TIAM1: variants seen among roughly 807,000 people sequenced by gnomAD.
TIAM1 encodes the protein rho guanine nucleotide exchange factor TIAM1.
TIAM1 carries 65 observed loss-of-function variants against 163.5 expected under a neutral mutation model. The observed-to-expected ratio is 0.40, with a 90% CI of 0.33 to 0.49. The LOEUF (loss-of-function observed/expected upper bound fraction) is 0.49, where lower values mean the gene tolerates loss of function less well. Ranked by LOEUF, TIAM1 falls within the 20% of genes least tolerant of loss-of-function variation. TIAM1 has a pLI of 0.77. For synonymous variants in TIAM1, 833 were observed against 810.1 expected, an observed-to-expected ratio of 1.03 and a Z score of -0.48; for missense variants, 1,789 against 2,044.7, an observed-to-expected ratio of 0.87 and a Z score of 2.41.
At chr21:31,460,724 A>G (rs1178576923) in intron 2 of TIAM1, among the ~76,000 whole-genome samples, 1 of 152,242 alleles carries the variant, frequency 6.6e-6, no homozygotes, top group African/African-American at 2.4e-5. Flanking sequence ...TAAGCTTCAC[A>G]CTTCAAAGAC....
At chr21:31,470,482 T>A (rs929220554) in intron 1 of TIAM1, among the ~76,000 whole-genome samples, 1 of 151,900 alleles carries the variant, frequency 6.6e-6, no homozygotes, top group Non-Finnish European at 1.5e-5. Context: ...TACAGGCATA[T>A]GCCACCAGGC....
At chr21:31,424,420 G>A (rs73195583) in intron 2 of TIAM1, among the ~76,000 whole-genome samples, 2,352 of 152,316 alleles carry the variant, frequency 0.015, 23 homozygotes, top group Non-Finnish European at 0.023. Flanking sequence ...GTGGATAAAC[G>A]AAATGCGGTG....
intron 2 of TIAM1, among the ~76,000 whole-genome samples, chr21:31,396,916 T>A (rs1279862481): frequency 6.6e-6 from 1 of 152,018 alleles, no homozygotes; most frequent in Non-Finnish European, 1.5e-5. Flanking sequence ...GCCACTGCAC[T>A]CCAGCCTGGG....
intron 1 of TIAM1, among the ~76,000 whole-genome samples, chr21:31,503,455 A>G (rs1206870060): frequency 1.3e-5 from 1 of 79,604 alleles, no homozygotes; most frequent in Non-Finnish European, 2.6e-5. Flanking sequence ...GGAAGGAAGG[A>G]AGGGAGGGAG....
intron 2 of TIAM1, among the ~76,000 whole-genome samples, chr21:31,290,995 GATA>G (rs1304160587): frequency 1.3e-5 from 2 of 152,048 alleles, no homozygotes; most frequent in East Asian, 1.9e-4. Context: ...TTGCAACAAC[GATA>G]ATAACAAATT....
chr21:31,321,219 G>A (rs917118279), intron 2 of TIAM1, among the ~76,000 whole-genome samples: 10 of 152,150 alleles, frequency 6.6e-5, no homozygotes, highest in South Asian at 2.1e-4. Flanking sequence ...GGGACTGGCC[G>A]AAGAAGCCAT....
In TIAM1 at chr21:31,224,875, G is replaced by T. The variant is rs183418131; in HGVS notation, c.1809+851C>A. Among the ~76,000 whole-genome samples the T allele has an allele frequency of 1.3e-4, 20 of 152,190 alleles. No homozygotes were observed. The East Asian group carries it at 3.5e-3, about 26-fold the overall frequency. ...ACAAAGTGTCAAAGCACTACCAGAT[G>T]GCTATTACTGACAGCTGAATAGCAG... On this transcript the variant is annotated intron_variant, in intron 7 of 27. Coordinates refer to ENST00000541036, the MANE Select transcript of TIAM1 (RefSeq NM_001353694.2).
chr21:31,180,238 G>A (rs541869872), intron 15 of TIAM1, among the ~76,000 whole-genome samples: 33 of 152,104 alleles, frequency 2.2e-4, no homozygotes, highest in Middle Eastern at 3.4e-3. Context: ...AGAAATAGAC[G>A]AAAACATTAA....
At chr21:31,208,110 C>T (rs1447656652) in intron 11 of TIAM1, among the ~76,000 whole-genome samples, 2 of 152,172 alleles carry the variant, frequency 1.3e-5, no homozygotes, top group Non-Finnish European at 2.9e-5. Context: ...TAGATATGGT[C>T]TCTAACTGTC....
At chr21:31,462,916 T>C in intron 2 of TIAM1, among the ~76,000 whole-genome samples, 1 of 152,140 alleles carries the variant, frequency 6.6e-6, no homozygotes, top group African/African-American at 2.4e-5. Flanking sequence ...CTAATTTTTG[T>C]ATTTGGAGTA....
chr21:31,415,436 C>A (rs531408009), intron 2 of TIAM1, among the ~76,000 whole-genome samples: 1 of 152,268 alleles, frequency 6.6e-6, no homozygotes, highest in East Asian at 1.9e-4. Flanking sequence ...AGTCCAGTAT[C>A]CCCCATGTGC....
At chr21:31,288,468 A>C (rs2073896549) in intron 2 of TIAM1, among the ~76,000 whole-genome samples, 1 of 152,156 alleles carries the variant, frequency 6.6e-6, no homozygotes, top group South Asian at 2.1e-4. Flanking sequence ...TAGAAAGGGC[A>C]AACAGGCTCC....
At chr21:31,499,703 A>G (rs1482660502) in intron 1 of TIAM1, among the ~76,000 whole-genome samples, 1 of 152,090 alleles carries the variant, frequency 6.6e-6, no homozygotes, top group Non-Finnish European at 1.5e-5. Flanking sequence ...TACAAAAATT[A>G]GCCAGGTGTG....
intron 2 of TIAM1, among the ~76,000 whole-genome samples, chr21:31,352,348 A>G (rs2076247955): frequency 6.6e-6 from 1 of 152,196 alleles, no homozygotes; most frequent in Non-Finnish European, 1.5e-5. Context: ...ATATTGCATA[A>G]TTCCACTTAC....
At chr21:31,495,232 C>T (rs1213780710) in intron 1 of TIAM1, among the ~76,000 whole-genome samples, 1 of 152,092 alleles carries the variant, frequency 6.6e-6, no homozygotes, top group Non-Finnish European at 1.5e-5. Context: ...AACAAAATAC[C>T]TGAGACTAGG....
chr21:31,431,604 A>G (rs1403087378), intron 2 of TIAM1, among the ~76,000 whole-genome samples: 1 of 152,260 alleles, frequency 6.6e-6, no homozygotes, highest in Admixed American at 6.5e-5. Flanking sequence ...ACAGTCATAT[A>G]TAGTCACACA....
At chr21:31,464,842 CG>C (rs1307863377) in intron 1 of TIAM1, among the ~76,000 whole-genome samples, 1 of 95,434 alleles carries the variant, frequency 1.0e-5, no homozygotes, top group South Asian at 3.7e-4. Context: ...GCTTCCGTCT[CG>C]GGAAAAAAAA....
intron 6 of TIAM1, among the ~76,000 whole-genome samples, chr21:31,238,040 A>G (rs967886361): frequency 1.3e-5 from 2 of 152,202 alleles, no homozygotes; most frequent in Non-Finnish European, 2.9e-5. Flanking sequence ...CACACATATA[A>G]ATTCCTTTTC....
At chr21:31,501,893 C>T (rs1432721418) in intron 1 of TIAM1, among the ~76,000 whole-genome samples, 3 of 151,852 alleles carry the variant, frequency 2.0e-5, no homozygotes, top group African/African-American at 2.4e-5. Flanking sequence ...GTGAGCACTG[C>T]GCCCAGCCTT....
Sources: allele counts gnomAD v4.1 joint callset (sites outside exome capture counted in the v4.1 genomes callset), GRCh38; gene constraint gnomAD v4.1.1; transcripts MANE v1.5; gene names NCBI Gene and HGNC (gene_info 2026-07-23, HGNC 2026-07-21).